The following NKAIN2 variants were observed in gnomAD, a reference collection of about 807,000 sequenced individuals.
The protein encoded by NKAIN2 is sodium/potassium-transporting ATPase subunit beta-1-interacting protein 2.
Under a neutral mutation model 32.6 loss-of-function variants are expected in NKAIN2, and 14 were observed. The observed-to-expected ratio is 0.43, with a 90% CI of 0.28 to 0.67. The LOEUF (loss-of-function observed/expected upper bound fraction) is 0.67, where lower values mean the gene tolerates loss of function less well. NKAIN2 is among the 30% of genes least tolerant of loss of function. The probability of loss-of-function intolerance (pLI) is 0.17; values close to 1 mark genes in which losing one functional copy is unlikely to be tolerated. For synonymous variants in NKAIN2, 80 were observed against 87.2 expected, an observed-to-expected ratio of 0.92 and a Z score of 0.46; for missense variants, 198 against 258.3, an observed-to-expected ratio of 0.77 and a Z score of 1.60.
intron 4 of NKAIN2, among the ~76,000 whole-genome samples, chr6:124,688,866 T>C (rs895745745): frequency 1.3e-5 from 2 of 152,038 alleles, no homozygotes; most frequent in African/African-American, 4.8e-5. Context: ...AGTTTATATA[T>C]CCACTTACCT....
At chr6:124,613,036 A>G (rs9491200) in intron 3 of NKAIN2, among the ~76,000 whole-genome samples, 26,396 of 152,176 alleles carry the variant, frequency 0.17, 2,501 homozygotes, top group Middle Eastern at 0.24. Context: ...CAGCAGGACT[A>G]GAATGTCACT....
chr6:124,169,940 A>G (rs1788763005), intron 1 of NKAIN2, among the ~76,000 whole-genome samples: 2 of 152,140 alleles, frequency 1.3e-5, no homozygotes, highest in Non-Finnish European at 2.9e-5. Context: ...TAAGTACTGT[A>G]ATTAAATAGA....
chr6:124,294,759 AT>A (rs1431713643), intron 2 of NKAIN2, among the ~76,000 whole-genome samples: 1 of 152,040 alleles, frequency 6.6e-6, no homozygotes, highest in African/African-American at 2.4e-5. Context: ...GTATTTGTAG[AT>A]GTCTTGTCAG....
intron 2 of NKAIN2, among the ~76,000 whole-genome samples, chr6:124,291,445 T>C (rs1795812119): frequency 6.6e-6 from 1 of 152,102 alleles, no homozygotes; most frequent in Non-Finnish European, 1.5e-5. Flanking sequence ...AAGAGTAGCC[T>C]CAAGGTCTCT....
chr6:124,682,992 C>A (rs372379244), intron 4 of NKAIN2, among the ~76,000 whole-genome samples: 3 of 152,072 alleles, frequency 2.0e-5, no homozygotes, highest in South Asian at 4.2e-4. Context: ...GACTGTGCAG[C>A]CAGCATATGT....
At chr6:123,811,850 T>G (rs1290456241) in intron 1 of NKAIN2, among the ~76,000 whole-genome samples, 2 of 152,192 alleles carry the variant, frequency 1.3e-5, no homozygotes, top group Non-Finnish European at 2.9e-5. Flanking sequence ...TATAAATAAT[T>G]AAAACACTAG....
At chr6:124,447,862 G>A (rs1001591814) in intron 3 of NKAIN2, among the ~76,000 whole-genome samples, 3 of 151,974 alleles carry the variant, frequency 2.0e-5, no homozygotes, top group Non-Finnish European at 4.4e-5. Flanking sequence ...TAACACGATG[G>A]CCCTCTGTCT....
rs1779159803 is a variant in NKAIN2, at chr6:124,779,453, G to C, written c.475-11886G>C. ...TTAAATGAGTTGGTTCAAGATATAA[G>C]ATTGGAAGTAACTGAAAATAAAAAC... On this transcript the variant is annotated intron_variant, in intron 4 of 6. Coordinates refer to ENST00000368417, the MANE Select transcript of NKAIN2 (RefSeq NM_001040214.3). Among the ~76,000 whole-genome samples, 3 of 152,134 alleles carry C rather than the reference G, an allele frequency of 2.0e-5. No individual in the cohort carries two copies. The South Asian group carries it at 6.2e-4, about 31-fold the overall frequency.
At chr6:124,668,563 G>A (rs1772935890) in intron 4 of NKAIN2, among the ~76,000 whole-genome samples, 1 of 151,764 alleles carries the variant, frequency 6.6e-6, no homozygotes, top group Non-Finnish European at 1.5e-5. Context: ...ATTTTTTAAT[G>A]TCTTAGTTTT....
chr6:124,516,401 AAAG>A (rs1778916975), intron 3 of NKAIN2, among the ~76,000 whole-genome samples: 1 of 152,134 alleles, frequency 6.6e-6, no homozygotes, highest in Non-Finnish European at 1.5e-5. Flanking sequence ...TTTTCAGTTA[AAAG>A]AAGAAAAAAA....
chr6:124,241,809 T>A (rs112539504), intron 1 of NKAIN2, among the ~76,000 whole-genome samples: 7 of 152,070 alleles, frequency 4.6e-5, no homozygotes, highest in African/African-American at 1.7e-4. Flanking sequence ...TTAATATATT[T>A]TTTTTAAAAG....
chr6:124,011,568 C>G (rs976754976), intron 1 of NKAIN2, among the ~76,000 whole-genome samples: 8 of 152,108 alleles, frequency 5.3e-5, no homozygotes, highest in African/African-American at 1.7e-4. Context: ...ATGGCATCAT[C>G]ATATATTGAG....
intron 1 of NKAIN2, among the ~76,000 whole-genome samples, chr6:124,100,260 A>T (rs116100491): frequency 6.6e-6 from 1 of 152,220 alleles, no homozygotes; most frequent in African/African-American, 2.4e-5. Flanking sequence ...TAATGAAGTT[A>T]GAAAGTAATT....
chr6:124,421,789 TCA>T (rs1774763409), intron 3 of NKAIN2, among the ~76,000 whole-genome samples: 1 of 152,168 alleles, frequency 6.6e-6, no homozygotes. Context: ...TCAAATTGAC[TCA>T]CATTTCCAGA....
chr6:124,451,647 G>T (rs960340788), intron 3 of NKAIN2, among the ~76,000 whole-genome samples: 6 of 152,164 alleles, frequency 3.9e-5, no homozygotes, highest in Non-Finnish European at 5.9e-5. Flanking sequence ...GATAATATCA[G>T]TGCGAAGAGC....
At chr6:124,792,036 C>T (rs367925160) in intron 5 of NKAIN2, among the ~76,000 whole-genome samples, 7 of 152,040 alleles carry the variant, frequency 4.6e-5, no homozygotes, top group Admixed American at 3.3e-4. Flanking sequence ...CTCTGCTCTC[C>T]GAAACATGGA....
At chr6:124,479,299 G>A (rs1432954718) in intron 3 of NKAIN2, among the ~76,000 whole-genome samples, 1 of 152,146 alleles carries the variant, frequency 6.6e-6, no homozygotes, top group African/African-American at 2.4e-5. Flanking sequence ...CCTTAGCTAT[G>A]GGAAACATAC....
intron 4 of NKAIN2, among the ~76,000 whole-genome samples, chr6:124,783,842 A>G (rs1041959350): frequency 2.6e-5 from 4 of 152,206 alleles, no homozygotes; most frequent in African/African-American, 9.6e-5. Flanking sequence ...TGTGCATAAT[A>G]TCCTTCTGTT....
intron 1 of NKAIN2, among the ~76,000 whole-genome samples, chr6:124,090,584 C>T (rs1035974259): frequency 1.3e-5 from 2 of 152,002 alleles, no homozygotes; most frequent in Non-Finnish European, 2.9e-5. Context: ...CAGCAGACAT[C>T]TTCTAAAACC....
Sources: gnomAD v4.1 joint callset for allele counts (sites outside exome capture counted in the v4.1 genomes callset) on GRCh38, gnomAD v4.1.1 for gene constraint, MANE v1.5 for transcripts, NCBI Gene and HGNC (gene_info 2026-07-23, HGNC 2026-07-21) for gene names.